Variants in VPS37A observed in about 807,000 individuals in gnomAD.
VPS37A encodes vacuolar protein sorting-associated protein 37A.
VPS37A carries 30 observed loss-of-function variants against 49.8 expected under a neutral mutation model. The observed-to-expected ratio is 0.60, with a 90% confidence interval of 0.45 to 0.82. The LOEUF (loss-of-function observed/expected upper bound fraction) is 0.82, where lower values mean the gene tolerates loss of function less well. Ranked by LOEUF, VPS37A falls within the 40% of genes least tolerant of loss-of-function variation. The pLI, the probability that VPS37A is intolerant of heterozygous loss-of-function variation, is 0.00. For synonymous variants in VPS37A, 195 were observed against 160.6 expected, an observed-to-expected ratio of 1.21 and a Z score of -1.62; for missense variants, 593 against 464.4, an observed-to-expected ratio of 1.28 and a Z score of -2.55.
chr8:17,317,859 T>G, the VPS37A span, among the ~76,000 whole-genome samples: 949 of 152,324 alleles, frequency 6.2e-3, 8 homozygotes, highest in African/African-American at 0.021. Context: ...AGCTTTTATA[T>G]TTTTGTTTCC....
chr8:17,282,325 C>A (rs1278351053), intron 9 of VPS37A, among the ~76,000 whole-genome samples: 2 of 152,008 alleles, frequency 1.3e-5, no homozygotes, highest in African/African-American at 4.8e-5. Context: ...AAGGTTAGAT[C>A]ATTGTATCAT....
chr8:17,279,994 ATATT>A, intron 6 of VPS37A, 30 bp from the exon 7 acceptor site: 2 of 1,607,492 alleles, frequency 1.2e-6, no homozygotes, highest in South Asian at 2.2e-5. Context: ...TCGATGTCTG[ATATT>A]TATTGACATT....
At chr8:17,286,505 G>T in intron 11 of VPS37A, 78 bp downstream of exon 11, 2 of 1,264,198 alleles carry the variant, frequency 1.6e-6, no homozygotes, top group Non-Finnish European at 1.1e-6. Flanking sequence ...AACGGTGCCT[G>T]TTCATCAGCC....
the VPS37A span, among the ~76,000 whole-genome samples, chr8:17,312,248 A>G: frequency 2.0e-5 from 3 of 152,172 alleles, no homozygotes; most frequent in African/African-American, 7.2e-5. Flanking sequence ...AGCATTTATC[A>G]CTACCTAAAA....
downstream of VPS37A, chr8:17,298,474 T>C (rs1455355078): frequency 6.6e-6 from 1 of 152,518 alleles, no homozygotes; most frequent in South Asian, 2.1e-4. Context: ...AAATCTTTCA[T>C]ACTAGAGAGA....
In VPS37A at chr8:17,280,171, C is replaced by T. The variant is rs760197577; in HGVS notation, c.841+16C>T. ...GAACTAGCAAGTATGTTTTCCCTCT[C>T]CTGAGCGCACATTTCCTGAAAAAAA... On this transcript the variant is annotated intron_variant, in intron 7 of 11. Coordinates refer to ENST00000324849, the MANE Select transcript of VPS37A (RefSeq NM_152415.3). The T allele has an allele frequency of 3.7e-6, 6 of 1,611,874 alleles. No homozygotes were observed. Among genetic ancestry groups the T allele is most frequent in the Admixed American group, 1.7e-5 (1 of 59,806 alleles).
At chr8:17,288,413 C>T (rs1028309811) in intron 11 of VPS37A, among the ~76,000 whole-genome samples, 4 of 152,042 alleles carry the variant, frequency 2.6e-5, no homozygotes, top group Admixed American at 2.6e-4. Context: ...GATGTTCCCT[C>T]CTTGTGCCCA....
chr8:17,305,017 A>C (rs1817361564), downstream of VPS37A, among the ~76,000 whole-genome samples: 1 of 152,158 alleles, frequency 6.6e-6, no homozygotes, highest in South Asian at 2.1e-4. Flanking sequence ...TTGGCTAGTC[A>C]GGTACAAGAA....
intron 1 of VPS37A, among the ~76,000 whole-genome samples, chr8:17,265,196 G>C (rs1271191192): frequency 1.3e-5 from 2 of 152,152 alleles, no homozygotes; most frequent in Non-Finnish European, 2.9e-5. Flanking sequence ...CTAGTTCCTA[G>C]ATCCAAGGAG....
downstream of VPS37A, chr8:17,301,988 G>T: frequency 2.4e-6 from 2 of 829,578 alleles, no homozygotes; most frequent in Non-Finnish European, 3.6e-6. Context: ...CTAGGTTTGG[G>T]CTTCGGTTAT....
chr8:17,286,360 G>A lies in VPS37A; in HGVS notation c.1127G>A (p.Arg376Lys). 1 of 1,613,690 alleles carries A rather than the reference G, an allele frequency of 6.2e-7. No homozygotes were observed. Among genetic ancestry groups the A allele is most frequent in the Non-Finnish European group, 8.5e-7 (1 of 1,179,802 alleles). The change falls in exon 11 of 12, where the codon AGA becomes AAA. Residue 376 changes from arginine (R) to lysine (K), a missense_variant. Transcript: ENST00000324849. ...FMEKRTICHC[R>K]RAKEEKLQQA... ...TTTATTTTCTAGATTTGCCACTGTA[G>A]AAGAGCCAAGGAAGAGAAACTTCAG...
intron 9 of VPS37A, among the ~76,000 whole-genome samples, chr8:17,282,008 T>G (rs1815104176): frequency 6.6e-6 from 1 of 152,038 alleles, no homozygotes; most frequent in Non-Finnish European, 1.5e-5. Context: ...CTTATCAAAA[T>G]GCCAAGAATA....
At chr8:17,270,535 A>G (rs987443174) in intron 4 of VPS37A, among the ~76,000 whole-genome samples, 2 of 152,066 alleles carry the variant, frequency 1.3e-5, no homozygotes, top group African/African-American at 4.8e-5. Flanking sequence ...TGGAAGCTGT[A>G]TTATCTTTTT....
rs371282134 is a variant in VPS37A, at chr8:17,280,477, AT to A, written c.969+44del. On this transcript the variant is annotated intron_variant, in intron 9 of 11. Coordinates refer to ENST00000324849, the MANE Select transcript of VPS37A (RefSeq NM_152415.3). ...GTTTATTTTTTTCCCTTTGCCATAGATTTTTTTTTTAATCTTATGTGCATGA... is the reference window on the plus strand; with the variant it reads ...GTTTATTTTTTTCCCTTTGCCATAGATTTTTTTTTAATCTTATGTGCATGA... 3.2e-3 allele frequency: 4,674 copies of A among 1,441,976 alleles called. 2 individuals carry two copies. Among genetic ancestry groups the A allele is most frequent in the East Asian group, 9.0e-3 (361 of 40,312 alleles). 89.3% of individuals were successfully genotyped at this position (1,441,976 alleles called of 1,614,324 possible). A position where few individuals can be genotyped will look rare whatever the true frequency, so the allele number is the denominator to read the frequency against.
At chr8:17,319,778 C>G in the VPS37A span, among the ~76,000 whole-genome samples, 28 of 152,166 alleles carry the variant, frequency 1.8e-4, no homozygotes, top group Non-Finnish European at 3.5e-4. Flanking sequence ...TGGCTCCAGT[C>G]TGGCTCTTAA....
intron 11 of VPS37A, among the ~76,000 whole-genome samples, chr8:17,287,125 A>G (rs933143144): frequency 1.3e-5 from 2 of 152,210 alleles, no homozygotes; most frequent in African/African-American, 4.8e-5. Context: ...CCTGATGTTA[A>G]GATGCCTTTC....
chr8:17,287,127 A>T (rs1815676275), intron 11 of VPS37A, among the ~76,000 whole-genome samples: 1 of 152,202 alleles, frequency 6.6e-6, no homozygotes, highest in Admixed American at 6.5e-5. Context: ...TGATGTTAAG[A>T]TGCCTTTCCT....
the VPS37A span, among the ~76,000 whole-genome samples, chr8:17,313,127 G>A: frequency 2.6e-5 from 4 of 152,132 alleles, no homozygotes; most frequent in African/African-American, 9.7e-5. Context: ...GTATTCTTTC[G>A]CAAAATCATA....
chr8:17,251,195 G>A (rs1019668573), intron 1 of VPS37A, among the ~76,000 whole-genome samples: 4 of 152,156 alleles, frequency 2.6e-5, no homozygotes, highest in Non-Finnish European at 5.9e-5. Context: ...CCAAGTTACT[G>A]TGGAAGCAGG....
Sources: allele counts gnomAD v4.1 joint callset (sites outside exome capture counted in the v4.1 genomes callset), GRCh38; gene constraint gnomAD v4.1.1; transcripts MANE v1.5; gene names NCBI Gene and HGNC (gene_info 2026-07-23, HGNC 2026-07-21).